ACLY: variants seen among roughly 807,000 people sequenced by gnomAD.
The protein encoded by ACLY is ATP citrate lyase.
ACLY carries 41 observed loss-of-function variants against 133.0 expected under a neutral mutation model. That is an observed-to-expected ratio of 0.31 (90% CI 0.24 to 0.40). The LOEUF (loss-of-function observed/expected upper bound fraction) is 0.40, where lower values mean the gene tolerates loss of function less well. ACLY is among the 10% of genes least tolerant of loss of function. The pLI is 1.00. For synonymous variants in ACLY, 495 were observed against 549.3 expected (o/e 0.90, Z 1.38); for missense variants, 1,046 against 1,453.8 (o/e 0.72, Z 4.56).
intron 1 of ACLY, among the ~76,000 whole-genome samples, chr17:41,926,073 G>A (rs1484746986): frequency 3.3e-5 from 5 of 152,114 alleles, no homozygotes; most frequent in African/African-American, 1.2e-4. Flanking sequence ...TTGAACTCCC[G>A]ACTCGAGGTG....
At chr17:41,892,720 G>A (rs900071509) in intron 15 of ACLY, among the ~76,000 whole-genome samples, 2 of 151,394 alleles carry the variant, frequency 1.3e-5, no homozygotes, top group East Asian at 2.0e-4. Context: ...TCTGTCACCC[G>A]GGCTGGAGTG....
intron 1 of ACLY, among the ~76,000 whole-genome samples, chr17:41,924,444 G>C (rs559961657): frequency 8.1e-4 from 124 of 152,160 alleles, no homozygotes; most frequent in African/African-American, 2.8e-3. Flanking sequence ...ACCGTGCCCG[G>C]CTACTATTTT....
intron 11 of ACLY, 141 bp downstream of exon 11, chr17:41,901,555 G>A: frequency 4.3e-6 from 3 of 702,006 alleles, no homozygotes; most frequent in Non-Finnish European, 7.4e-6. Context: ...GTTGGGACAG[G>A]GAATGGAAAC....
In ACLY at chr17:41,906,514, C is replaced by A. The variant is rs2049723359; in HGVS notation, c.866+14G>T. 16 of 1,611,070 alleles carry A rather than the reference C, an allele frequency of 9.9e-6. 1 individual carries two copies. The highest frequency in any genetic ancestry group is 5.3e-5 in the African/African-American group (4 of 74,876). ...GACTGGGCTGGCATCCCTTCAGCAA[C>A]CCCCTTCGGTCACCTGTACACGACA... On this transcript the variant is annotated intron_variant, in intron 8 of 28. Transcript: ENST00000352035.
rs2049756058 is a variant in ACLY, at chr17:41,907,475, G to T, written c.714C>A (p.Phe238Leu). The change falls in exon 7 of 29, where the codon TTC (phenylalanine) becomes TTA (leucine). Residue 238 changes from phenylalanine to leucine, a missense_variant. Phe to Leu is a conservative substitution (Grantham distance 22, BLOSUM62 0). Transcript: ENST00000352035. ...ATGCCTCCCGCCCGAAGGGGGGAGGGAACTCGATGTCACCCCACTTCACTT... is the reference window on the plus strand; with the variant it reads ...ATGCCTCCCGCCCGAAGGGGGGAGGTAACTCGATGTCACCCCACTTCACTT... ...ICKVKWGDIE[F>L]PPPFGREAYP... 5 of 1,613,922 alleles carry T rather than the reference G, an allele frequency of 3.1e-6. No individual in the cohort carries two copies. Among genetic ancestry groups the T allele is most frequent in the East Asian group, 2.2e-5 (1 of 44,852 alleles).
intron 5 of ACLY, 98 bp downstream of exon 5, chr17:41,909,412 C>G: frequency 7.3e-7 from 1 of 1,365,290 alleles, no homozygotes. Flanking sequence ...CCACCTGGCT[C>G]CCAGAGAGGA....
chr17:41,886,752 T>C (rs1651740091), intron 17 of ACLY, among the ~76,000 whole-genome samples: 1 of 151,830 alleles, frequency 6.6e-6, no homozygotes. Context: ...GTGTTATAAC[T>C]GCACCTGTGA....
intron 1 of ACLY, among the ~76,000 whole-genome samples, chr17:41,926,755 C>T (rs2050248410): frequency 6.6e-6 from 1 of 152,160 alleles, no homozygotes; most frequent in African/African-American, 2.4e-5. Flanking sequence ...TCCCAAAGTG[C>T]TGGGATTATA....
intron 25 of ACLY, chr17:41,870,227 C>G (rs1201556023): frequency 6.6e-6 from 1 of 152,408 alleles, no homozygotes; most frequent in Non-Finnish European, 1.5e-5. Flanking sequence ...GTGTGGAGTG[C>G]AAGTCTAGCA....
At chr17:41,875,547 T>G (rs1445597434) in intron 22 of ACLY, among the ~76,000 whole-genome samples, 2 of 152,094 alleles carry the variant, frequency 1.3e-5, no homozygotes, top group Non-Finnish European at 2.9e-5. Flanking sequence ...CCCTGCCTGA[T>G]TCTCCTGCCT....
At position 41,886,929 on chromosome 17, in the gene ACLY, G is replaced by C. The variant is rs571508258; in HGVS notation, c.1876-621C>G. 9.9e-5 allele frequency among the ~76,000 whole-genome samples: 15 copies of C among 152,170 alleles called. 1 individual carries two copies. In the Middle Eastern group the frequency reaches 0.01, roughly 104 times the overall value. ...ACCTGAGGTTGGGAGTTTGAGACCAGCCTGGCTAACATGGTGAAACCCTGT... is the reference window on the plus strand; with the variant it reads ...ACCTGAGGTTGGGAGTTTGAGACCACCCTGGCTAACATGGTGAAACCCTGT... On this transcript the variant is annotated intron_variant, in intron 17 of 28. Coordinates refer to ENST00000352035, the MANE Select transcript of ACLY (RefSeq NM_001096.3).
chr17:41,874,606 C>T (rs1209244952), intron 22 of ACLY, among the ~76,000 whole-genome samples: 2 of 138,652 alleles, frequency 1.4e-5, no homozygotes, highest in African/African-American at 5.4e-5. Context: ...CGCAGTCTTG[C>T]TCTGTCGCCC....
At chr17:41,918,401 C>G (rs1555634856) in intron 1 of ACLY, among the ~76,000 whole-genome samples, 1 of 152,234 alleles carries the variant, frequency 6.6e-6, no homozygotes, top group East Asian at 1.9e-4. Flanking sequence ...ATTTTGTACC[C>G]ACGGAACCAA....
chr17:41,889,933 A>G (rs11658461), intron 16 of ACLY, among the ~76,000 whole-genome samples: 33,849 of 152,078 alleles, frequency 0.22, 4,373 homozygotes, highest in Admixed American at 0.34. Flanking sequence ...TTGGCCTCCC[A>G]AAGTCCTGGG....
chr17:41,916,903 G>A (rs1311093015), intron 1 of ACLY, among the ~76,000 whole-genome samples: 8 of 151,838 alleles, frequency 5.3e-5, no homozygotes, highest in Non-Finnish European at 1.2e-4. Flanking sequence ...CCAGCACTTC[G>A]GGAGGCCAAG....
chr17:41,900,096 A>AAT lies in ACLY; in HGVS notation c.1184-1312_1184-1311insAT, dbSNP rs1555631262. On this transcript the variant is annotated intron_variant, in intron 11 of 28. Coordinates refer to ENST00000352035, the MANE Select transcript of ACLY (RefSeq NM_001096.3). ...AAAAAAAAAAAAAAAAAAAAAAAAA[A>AAT]TTGCCTATAATCTCAGCACTTTGGG... 4.6e-4 allele frequency among the ~76,000 whole-genome samples: 66 copies of AAT among 143,038 alleles called. 1 individual carries two copies. Among genetic ancestry groups the AAT allele is most frequent in the African/African-American group, 1.7e-3 (64 of 37,494 alleles). The allele number at this position is 143,038 out of a possible 152,430, so 93.8% of individuals were successfully genotyped here.
chr17:41,890,064 T>C (rs1265692780), intron 16 of ACLY, among the ~76,000 whole-genome samples: 19 of 152,192 alleles, frequency 1.2e-4, no homozygotes, highest in African/African-American at 4.3e-4. Flanking sequence ...AATCCGAGAT[T>C]GCCCATCACA....
chr17:41,893,054 G>A lies in ACLY; in HGVS notation c.1580C>T (p.Ala527Val), dbSNP rs782053704. ...YVCSRDEPSV[A>V]AMVYPFTGDH... The stretch of plus-strand genomic sequence containing the variant: ...TCACGTGAAAGGGTAGACCATGGCA[G>A]CCACTGAGGGCTCGTCTCGGGAGCA... Residue 527 changes from alanine to valine, a missense_variant, in exon 15 of 29, where the codon GCT becomes GTT. Ala to Val is a moderately conservative substitution (Grantham distance 64). Coordinates refer to ENST00000352035, the MANE Select transcript of ACLY (RefSeq NM_001096.3). 1 of 1,613,808 alleles carries A rather than the reference G, an allele frequency of 6.2e-7. No homozygotes were observed. Among genetic ancestry groups the A allele is most frequent in the Admixed American group, 1.7e-5 (1 of 59,994 alleles).
chr17:41,906,016 T>C (rs1180767431), intron 8 of ACLY, among the ~76,000 whole-genome samples: 1 of 152,138 alleles, frequency 6.6e-6, no homozygotes, highest in Admixed American at 6.5e-5. Flanking sequence ...GAGGAAATAG[T>C]GCCAGTCACA....
Sources: gnomAD v4.1 joint callset for allele counts (sites outside exome capture counted in the v4.1 genomes callset) on GRCh38, gnomAD v4.1.1 for gene constraint, MANE v1.5 for transcripts, NCBI Gene and HGNC (gene_info 2026-07-23, HGNC 2026-07-21) for gene names.